RAD51B: variants seen among roughly 807,000 people sequenced by gnomAD.
The protein encoded by RAD51B is DNA repair protein RAD51 homolog 2.
RAD51B carries 38 observed loss-of-function variants against 42.2 expected under a neutral mutation model. That is an observed-to-expected ratio of 0.90 (90% CI 0.70 to 1.18). The LOEUF (loss-of-function observed/expected upper bound fraction) is 1.18, where lower values mean the gene tolerates loss of function less well. Ranked by LOEUF, RAD51B falls within the 50% of genes most tolerant of loss-of-function variation. The pLI, the probability that RAD51B is intolerant of heterozygous loss-of-function variation, is 0.00. For synonymous variants in RAD51B, 154 were observed against 145.2 expected, an observed-to-expected ratio of 1.06 and a Z score of -0.43; for missense variants, 373 against 400.7, an observed-to-expected ratio of 0.93 and a Z score of 0.59.
intron 10 of RAD51B, among the ~76,000 whole-genome samples, chr14:68,606,722 C>G (rs1287020564): frequency 1.3e-5 from 2 of 152,210 alleles, no homozygotes; most frequent in African/African-American, 2.4e-5. Context: ...AACCTAGGCA[C>G]AGAGAAGTTA....
intron 11 of RAD51B, among the ~76,000 whole-genome samples, chr14:68,676,182 T>C (rs369003303): frequency 1.1e-4 from 16 of 152,348 alleles, no homozygotes; most frequent in Admixed American, 7.8e-4. Context: ...TCATACTGCA[T>C]ATGTTACAGC....
rs117117887 is a variant in RAD51B, at chr14:68,314,882, T to G, written c.853+22902T>G. ...CACCATCCAGTTGCCAGAACCCAGTTGGTTTTCTGTGAAACGGCAGCTAGT... is the reference window on the plus strand; with the variant it reads ...CACCATCCAGTTGCCAGAACCCAGTGGGTTTTCTGTGAAACGGCAGCTAGT... On this transcript the variant is annotated intron_variant, in intron 8 of 10. Coordinates refer to ENST00000471583, the MANE Select transcript of RAD51B (RefSeq NM_133510.4). 2.6e-3 allele frequency among the ~76,000 whole-genome samples: 400 copies of G among 152,328 alleles called. 3 individuals carry two copies. The highest frequency in any genetic ancestry group is 3.5e-3 in the Non-Finnish European group (241 of 68,024).
intron 7 of RAD51B, among the ~76,000 whole-genome samples, chr14:68,083,196 G>C (rs990893433): frequency 1.3e-5 from 2 of 152,196 alleles, no homozygotes; most frequent in Non-Finnish European, 2.9e-5. Context: ...TAAGATCTTA[G>C]AGTGAGAGGA....
chr14:68,530,710 G>A (rs1292887537), intron 10 of RAD51B, among the ~76,000 whole-genome samples: 1 of 151,938 alleles, frequency 6.6e-6, no homozygotes, highest in Non-Finnish European at 1.5e-5. Context: ...TTTTTAAAAT[G>A]AAGTTTATAT....
At chr14:67,824,940 TG>T (rs2040764804) in intron 2 of RAD51B, among the ~76,000 whole-genome samples, 3 of 151,382 alleles carry the variant, frequency 2.0e-5, no homozygotes, top group Non-Finnish European at 4.4e-5. Context: ...TAGCCAGGCA[TG>T]GTAGTGAGTG....
intron 7 of RAD51B, among the ~76,000 whole-genome samples, chr14:68,220,997 G>T (rs1043479515): frequency 1.1e-4 from 16 of 152,118 alleles, no homozygotes; most frequent in African/African-American, 3.6e-4. Flanking sequence ...TGGGCATGGT[G>T]GCGCACACCT....
intron 10 of RAD51B, among the ~76,000 whole-genome samples, chr14:68,639,826 G>T (rs1892419438): frequency 6.6e-6 from 1 of 151,996 alleles, no homozygotes; most frequent in African/African-American, 2.4e-5. Flanking sequence ...GTCTCGCTTT[G>T]TTGTCCAGGC....
intron 7 of RAD51B, among the ~76,000 whole-genome samples, chr14:68,195,384 A>G (rs2079348110): frequency 6.9e-6 from 1 of 144,536 alleles, no homozygotes; most frequent in African/African-American, 2.5e-5. Context: ...CATATTTACC[A>G]TCTCAGCTTC....
chr14:68,431,561 G>T (rs2085007202), intron 9 of RAD51B, among the ~76,000 whole-genome samples: 1 of 152,170 alleles, frequency 6.6e-6, no homozygotes, highest in Non-Finnish European at 1.5e-5. Context: ...AGTATTCTCT[G>T]ATGGTAGTTT....
At chr14:68,181,425 A>G (rs1481983288) in intron 7 of RAD51B, among the ~76,000 whole-genome samples, 2 of 152,318 alleles carry the variant, frequency 1.3e-5, no homozygotes, top group East Asian at 3.9e-4. Context: ...TGGAAGCCTC[A>G]AGGAACTTTC....
At chr14:67,980,984 A>G (rs919885311) in intron 7 of RAD51B, among the ~76,000 whole-genome samples, 1 of 152,228 alleles carries the variant, frequency 6.6e-6, no homozygotes, top group Non-Finnish European at 1.5e-5. Flanking sequence ...ATTATGATAA[A>G]GGACTTATAT....
intron 7 of RAD51B, among the ~76,000 whole-genome samples, chr14:68,284,355 G>A (rs113903740): frequency 0.01 from 1,597 of 152,250 alleles, 32 homozygotes; most frequent in East Asian, 0.057. Context: ...TCCTAATGTG[G>A]GTGAAATATA....
chr14:68,162,611 C>A (rs2078664747), intron 7 of RAD51B, among the ~76,000 whole-genome samples: 1 of 152,092 alleles, frequency 6.6e-6, no homozygotes, highest in African/African-American at 2.4e-5. Context: ...CGGTGAAACC[C>A]CGTCTTGACT....
At chr14:67,914,013 C>T (rs563532018) in intron 7 of RAD51B, among the ~76,000 whole-genome samples, 3 of 150,836 alleles carry the variant, frequency 2.0e-5, no homozygotes, top group Middle Eastern at 3.4e-3. Context: ...GATGGGGCCT[C>T]GCTCTTTCAC....
intron 8 of RAD51B, among the ~76,000 whole-genome samples, chr14:68,380,760 A>G (rs2083463372): frequency 6.6e-6 from 1 of 152,214 alleles, no homozygotes; most frequent in African/African-American, 2.4e-5. Context: ...TAGGGTTCTC[A>G]CTATTTTAAC....
At chr14:68,675,356 G>A (rs963862901) in intron 11 of RAD51B, among the ~76,000 whole-genome samples, 21 of 152,264 alleles carry the variant, frequency 1.4e-4, no homozygotes, top group Middle Eastern at 3.4e-3. Flanking sequence ...GGATGGTTTA[G>A]GAATGACAGA....
intron 3 of RAD51B, among the ~76,000 whole-genome samples, chr14:67,833,750 T>A (rs2041135976): frequency 1.3e-5 from 2 of 152,222 alleles, no homozygotes; most frequent in South Asian, 4.1e-4. Flanking sequence ...AACTGAAACA[T>A]GGGAAGTGAA....
chr14:67,913,644 AT>A (rs980839605), intron 7 of RAD51B, among the ~76,000 whole-genome samples: 1 of 151,944 alleles, frequency 6.6e-6, no homozygotes, highest in South Asian at 2.1e-4. Context: ...ATTATTATTA[AT>A]TTTTTTATTT....
chr14:67,989,745 G>T lies in RAD51B; in HGVS notation c.756+102541G>T, dbSNP rs146968747. Among the ~76,000 whole-genome samples, 1,209 of 151,848 alleles carry T rather than the reference G, an allele frequency of 8.0e-3. 14 individuals are homozygous for T. The highest frequency in any genetic ancestry group is 0.027 in the African/African-American group (1,132 of 41,416). On this transcript the variant is annotated intron_variant, in intron 7 of 10. Transcript: ENST00000471583. ...CCCCCACAGGCCACAACTGTAGAGAGAACTTTCATTCGGAATTTCCTTTAT... is the reference window on the plus strand; with the variant it reads ...CCCCCACAGGCCACAACTGTAGAGATAACTTTCATTCGGAATTTCCTTTAT...
Sources: allele counts gnomAD v4.1 joint callset (sites outside exome capture counted in the v4.1 genomes callset), GRCh38; gene constraint gnomAD v4.1.1; transcripts MANE v1.5; gene names NCBI Gene and HGNC (gene_info 2026-07-23, HGNC 2026-07-21).